The following R3HDM1 variants were observed in gnomAD, a reference collection of about 807,000 sequenced individuals.
R3HDM1 encodes R3H domain containing 1, also known as R3H domain-containing protein 1.
Under a neutral mutation model 141.1 loss-of-function variants are expected in R3HDM1, and 46 were observed. That is an observed-to-expected ratio of 0.33 (90% CI 0.26 to 0.42). The LOEUF is 0.42. Among genes scored for constraint, R3HDM1 ranks in the 10% least tolerant of loss-of-function variants. R3HDM1 has a pLI of 1.00. For synonymous variants in R3HDM1, 435 were observed against 472.9 expected (o/e 0.92, Z 1.04); for missense variants, 1,184 against 1,368.3 (o/e 0.87, Z 2.12).
intron 2 of R3HDM1, among the ~76,000 whole-genome samples, chr2:135,604,328 C>G (rs1413487053): frequency 6.6e-6 from 1 of 152,178 alleles, no homozygotes; most frequent in Non-Finnish European, 1.5e-5. Context: ...TTTCTAATGT[C>G]TTCTAAATAC....
At chr2:135,650,462 G>A in intron 17 of R3HDM1, 1 of 980,202 alleles carries the variant, frequency 1.0e-6, no homozygotes, top group Non-Finnish European at 1.2e-6. Flanking sequence ...AAGATTTCTG[G>A]ATATTTAATC....
chr2:135,626,979 A>T (rs2062113715), intron 7 of R3HDM1, among the ~76,000 whole-genome samples: 1 of 152,122 alleles, frequency 6.6e-6, no homozygotes, highest in Non-Finnish European at 1.5e-5. Flanking sequence ...ATATTGTAGC[A>T]TGTACCTTTT....
intron 23 of R3HDM1, 95 bp downstream of exon 23, chr2:135,710,326 A>G: frequency 1.5e-6 from 2 of 1,351,404 alleles, no homozygotes; most frequent in Non-Finnish European, 2.0e-6. Context: ...CGTCAGCCAG[A>G]TTAATAAAAG....
At chr2:135,571,293 C>T (rs1215104331) in intron 1 of R3HDM1, among the ~76,000 whole-genome samples, 1 of 151,846 alleles carries the variant, frequency 6.6e-6, no homozygotes, top group Non-Finnish European at 1.5e-5. Context: ...TGTTTACTAG[C>T]AAAATTTTAT....
At chr2:135,578,852 A>G (rs1202171594) in intron 1 of R3HDM1, among the ~76,000 whole-genome samples, 1 of 152,212 alleles carries the variant, frequency 6.6e-6, no homozygotes, top group Non-Finnish European at 1.5e-5. Flanking sequence ...TGTATAAAGA[A>G]GTTACAGATT....
chr2:135,566,840 CG>C, intron 1 of R3HDM1: 3 of 852,410 alleles, frequency 3.5e-6, no homozygotes, highest in South Asian at 5.4e-5. Context: ...AGCATGATGG[CG>C]GGTACCTGTA....
At chr2:135,589,925 G>A (rs1306820092) in intron 1 of R3HDM1, among the ~76,000 whole-genome samples, 1 of 151,876 alleles carries the variant, frequency 6.6e-6, no homozygotes, top group Non-Finnish European at 1.5e-5. Flanking sequence ...ATAAAAAGGG[G>A]GTTGTTAGCT....
At chr2:135,673,300 C>G (rs1475507168) in intron 19 of R3HDM1, among the ~76,000 whole-genome samples, 1 of 152,060 alleles carries the variant, frequency 6.6e-6, no homozygotes, top group Non-Finnish European at 1.5e-5. Context: ...AGTTATTATT[C>G]CAGTCTATAC....
At chr2:135,540,532 T>C (rs982146321) in intron 1 of R3HDM1, among the ~76,000 whole-genome samples, 56 of 152,204 alleles carry the variant, frequency 3.7e-4, no homozygotes, top group African/African-American at 1.3e-3. Flanking sequence ...CTCAAGCAGT[T>C]CTCCCACCTC....
intron 21 of R3HDM1, among the ~76,000 whole-genome samples, chr2:135,694,354 T>C (rs2072911332): frequency 6.6e-6 from 1 of 152,218 alleles, no homozygotes; most frequent in Non-Finnish European, 1.5e-5. Context: ...TTGAATAATT[T>C]CCAGGTCTTG....
At chr2:135,704,811 G>A (rs2074689439) in intron 21 of R3HDM1, among the ~76,000 whole-genome samples, 1 of 151,800 alleles carries the variant, frequency 6.6e-6, no homozygotes, top group African/African-American at 2.4e-5. Flanking sequence ...TTCACTTATT[G>A]GTCATAGTAA....
At chr2:135,612,349 T>C (rs2060625064) in intron 3 of R3HDM1, among the ~76,000 whole-genome samples, 1 of 152,208 alleles carries the variant, frequency 6.6e-6, no homozygotes, top group Non-Finnish European at 1.5e-5. Flanking sequence ...ACCATTATAA[T>C]TTTTCTTCAT....
At chr2:135,553,194 A>C (rs888364554) in intron 1 of R3HDM1, among the ~76,000 whole-genome samples, 2 of 152,088 alleles carry the variant, frequency 1.3e-5, no homozygotes, top group African/African-American at 4.8e-5. Context: ...CATCCATTCT[A>C]TGAATAGATT....
chr2:135,545,127 A>G (rs559357122), intron 1 of R3HDM1, among the ~76,000 whole-genome samples: 13 of 152,368 alleles, frequency 8.5e-5, no homozygotes, highest in South Asian at 6.2e-4. Context: ...TTCCAATGGT[A>G]ATTTTAATTT....
At chr2:135,645,053 G>A (rs2064241158) in intron 15 of R3HDM1, among the ~76,000 whole-genome samples, 1 of 152,174 alleles carries the variant, frequency 6.6e-6, no homozygotes, top group Admixed American at 6.5e-5. Flanking sequence ...CTGTACTCCA[G>A]CCTGAGCAAC....
chr2:135,613,644 T>C (rs1260302840), intron 3 of R3HDM1, among the ~76,000 whole-genome samples: 1 of 152,094 alleles, frequency 6.6e-6, no homozygotes, highest in East Asian at 1.9e-4. Context: ...AGTGAAACCC[T>C]GTCTCTACTA....
rs77609572 is a variant in R3HDM1 at position 135,654,738 on chromosome 2, C to T, written c.2028+2706C>T. On this transcript the variant is annotated intron_variant, in intron 18 of 26. Transcript: ENST00000683871. ...TGCTGGGATTACAGGCATGAGCCAC[C>T]GCACCTGGCCAAAATTTGGAATGTT... Among the ~76,000 whole-genome samples, 8 of 152,128 alleles carry T rather than the reference C, an allele frequency of 5.3e-5. No homozygotes were observed. The East Asian group carries it at 5.8e-4, about 11-fold the overall frequency.
At chr2:135,619,680 A>T (rs1289365773) in intron 5 of R3HDM1, 1 of 900,808 alleles carries the variant, frequency 1.1e-6, no homozygotes, top group East Asian at 1.2e-4. Flanking sequence ...ATTATTTCTC[A>T]TGAAAGGTAC....
chr2:135,562,124 C>T (rs570421333), intron 1 of R3HDM1, among the ~76,000 whole-genome samples: 14 of 152,330 alleles, frequency 9.2e-5, no homozygotes, highest in African/African-American at 3.4e-4. Context: ...CACAATATCT[C>T]ATAATCTCAG....
Sources: allele counts gnomAD v4.1 joint callset (sites outside exome capture counted in the v4.1 genomes callset), GRCh38; gene constraint gnomAD v4.1.1; transcripts MANE v1.5; gene names NCBI Gene and HGNC (gene_info 2026-07-23, HGNC 2026-07-21).